Variants in CNTNAP2 observed in about 807,000 individuals in gnomAD.
The protein encoded by CNTNAP2 is contactin-associated protein-like 2.
A neutral mutation model predicts 155.2 loss-of-function variants in CNTNAP2; 98 were observed. The observed-to-expected ratio is 0.63, with a 90% confidence interval of 0.54 to 0.75. The LOEUF (loss-of-function observed/expected upper bound fraction) is 0.75. Ranked by LOEUF, CNTNAP2 falls within the 30% of genes least tolerant of loss-of-function variation. The pLI is 0.00. For missense variants in CNTNAP2, 1,727 were observed against 1,688.1 expected, an observed-to-expected ratio of 1.02 and a Z score of -0.40; for synonymous variants, 651 against 631.2, an observed-to-expected ratio of 1.03 and a Z score of -0.47.
chr7:148,247,613 CTCTCTCTCTCTCTATTTATTTATTTATT>C (rs1796288205), intron 20 of CNTNAP2, among the ~76,000 whole-genome samples: 1 of 146,840 alleles, frequency 6.8e-6, no homozygotes, highest in Admixed American at 6.9e-5. Context: ...CTCTCTCTCT[CTCTCTCTCTCTCTATTTATTTATTTATT>C]TATTTATTTA....
chr7:146,746,353 T>C (rs1331390498), intron 1 of CNTNAP2, among the ~76,000 whole-genome samples: 1 of 152,222 alleles, frequency 6.6e-6, no homozygotes, highest in Non-Finnish European at 1.5e-5. Flanking sequence ...GCATGATTTA[T>C]ATATTTTAAA....
At chr7:146,524,539 G>A (rs1454783819) in intron 1 of CNTNAP2, among the ~76,000 whole-genome samples, 1 of 152,028 alleles carries the variant, frequency 6.6e-6, no homozygotes, top group African/African-American at 2.4e-5. Flanking sequence ...CTTTTCTTCT[G>A]TTTTATTTGT....
chr7:147,663,439 CAAAACT>C (rs1795647313), intron 13 of CNTNAP2, among the ~76,000 whole-genome samples: 1 of 152,126 alleles, frequency 6.6e-6, no homozygotes, highest in Non-Finnish European at 1.5e-5. Flanking sequence ...ATCAGAACAC[CAAAACT>C]TGTTTCCTCT....
intron 21 of CNTNAP2, among the ~76,000 whole-genome samples, chr7:148,317,921 T>C (rs1797720028): frequency 6.6e-6 from 1 of 152,068 alleles, no homozygotes; most frequent in East Asian, 1.9e-4. Context: ...GACCTCGTGA[T>C]CCGCCTAACT....
chr7:147,879,463 AT>A (rs71661733), intron 13 of CNTNAP2, among the ~76,000 whole-genome samples: 6,137 of 149,058 alleles, frequency 0.041, 382 homozygotes, highest in African/African-American at 0.14. Flanking sequence ...AAAGATGGAA[AT>A]TTTTTTTTTT....
At chr7:147,538,867 C>A (rs1799593631) in intron 11 of CNTNAP2, among the ~76,000 whole-genome samples, 1 of 152,012 alleles carries the variant, frequency 6.6e-6, no homozygotes. Flanking sequence ...ATTAGGACCC[C>A]TAGTAAGATG....
chr7:147,270,387 G>A (rs1804716846), intron 8 of CNTNAP2, among the ~76,000 whole-genome samples: 1 of 152,222 alleles, frequency 6.6e-6, no homozygotes, highest in Non-Finnish European at 1.5e-5. Context: ...TTGCTTGCAT[G>A]TTACAATAAT....
chr7:147,681,868 C>T (rs549664270), intron 13 of CNTNAP2, among the ~76,000 whole-genome samples: 24 of 151,870 alleles, frequency 1.6e-4, no homozygotes, highest in Middle Eastern at 3.4e-3. Context: ...GGACTTAGTG[C>T]TATCTGTGGT....
intron 13 of CNTNAP2, among the ~76,000 whole-genome samples, chr7:147,852,318 A>G (rs1182361415): frequency 6.6e-6 from 1 of 152,204 alleles, no homozygotes; most frequent in African/African-American, 2.4e-5. Flanking sequence ...CTACAATTAC[A>G]GAGGAGGTAT....
At chr7:148,413,749 CTTAGG>C (rs1327044548) in intron 23 of CNTNAP2, among the ~76,000 whole-genome samples, 1 of 151,948 alleles carries the variant, frequency 6.6e-6, no homozygotes, top group African/African-American at 2.4e-5. Context: ...TTATTTTGTA[CTTAGG>C]TTAGATTTAT....
intron 15 of CNTNAP2, among the ~76,000 whole-genome samples, chr7:148,007,411 A>G (rs532562204): frequency 6.6e-6 from 1 of 152,334 alleles, no homozygotes; most frequent in South Asian, 2.1e-4. Flanking sequence ...TTGACAATAT[A>G]GAAATAATCT....
intron 3 of CNTNAP2, among the ~76,000 whole-genome samples, chr7:146,882,125 T>A (rs1795564113): frequency 6.6e-6 from 1 of 152,090 alleles, no homozygotes; most frequent in South Asian, 2.1e-4. Flanking sequence ...ACATCCATGT[T>A]GCTACAAAGG....
Position 147,872,211 on chromosome 7 carries a change from C to T in CNTNAP2, c.2099-31354C>T, listed in dbSNP as rs191889367. On this transcript the variant is annotated intron_variant, in intron 13 of 23. Coordinates refer to ENST00000361727, the MANE Select transcript of CNTNAP2 (RefSeq NM_014141.6). ...TCCTCAATTTCTGATGTTATCATAC[C>T]ACAGAATTTTGGGACTATTTATCAG... Among the ~76,000 whole-genome samples, 129 of 152,200 alleles carry T rather than the reference C, an allele frequency of 8.5e-4. 1 individual carries two copies. The highest frequency in any genetic ancestry group is 8.8e-5 in the Non-Finnish European group (6 of 68,018).
chr7:147,296,831 T>TA (rs1424512708), intron 8 of CNTNAP2, among the ~76,000 whole-genome samples: 2 of 152,166 alleles, frequency 1.3e-5, no homozygotes, highest in Non-Finnish European at 2.9e-5. Context: ...ACCTGAGTTC[T>TA]AGCCCACTGG....
At chr7:147,992,753 T>C (rs142274992) in intron 15 of CNTNAP2, among the ~76,000 whole-genome samples, 127 of 152,348 alleles carry the variant, frequency 8.3e-4, no homozygotes, top group Admixed American at 1.8e-3. Flanking sequence ...TTAATCTTTT[T>C]ATGAAAAAGT....
intron 1 of CNTNAP2, among the ~76,000 whole-genome samples, chr7:146,487,316 G>A (rs1050852613): frequency 6.6e-6 from 1 of 152,160 alleles, no homozygotes. Flanking sequence ...TTTGTAAATA[G>A]GTTAGTTAAT....
intron 2 of CNTNAP2, among the ~76,000 whole-genome samples, chr7:146,790,062 G>C (rs1040529311): frequency 6.6e-6 from 1 of 151,772 alleles, no homozygotes; most frequent in Non-Finnish European, 1.5e-5. Context: ...TTGTTGTTTA[G>C]TAGAATGACC....
At chr7:147,424,480 A>T (rs1230651939) in intron 10 of CNTNAP2, among the ~76,000 whole-genome samples, 1 of 151,858 alleles carries the variant, frequency 6.6e-6, no homozygotes, top group African/African-American at 2.4e-5. Flanking sequence ...TTCTCCTCCT[A>T]CTAAACCTAC....
At chr7:148,313,437 C>A (rs953160647) in intron 21 of CNTNAP2, among the ~76,000 whole-genome samples, 4 of 151,172 alleles carry the variant, frequency 2.6e-5, no homozygotes, top group Non-Finnish European at 5.9e-5. Flanking sequence ...GGGTCCCGCA[C>A]AGATGGGACA....
Sources: allele counts gnomAD v4.1 joint callset (sites outside exome capture counted in the v4.1 genomes callset), GRCh38; gene constraint gnomAD v4.1.1; transcripts MANE v1.5; gene names NCBI Gene and HGNC (gene_info 2026-07-23, HGNC 2026-07-21).